CFAP77: variants seen among roughly 807,000 people sequenced by gnomAD.
CFAP77 encodes the protein cilia- and flagella-associated protein 77.
A neutral mutation model predicts 31.1 loss-of-function variants in CFAP77; 25 were observed. The observed-to-expected ratio is 0.80, with a 90% confidence interval of 0.59 to 1.12. The LOEUF is 1.12. Ranked by LOEUF, CFAP77 falls within the 50% of genes most tolerant of loss-of-function variation. CFAP77 has a pLI of 0.00. For missense variants in CFAP77, 377 were observed against 397.3 expected, an observed-to-expected ratio of 0.95 and a Z score of 0.44; for synonymous variants, 151 against 159.9, an observed-to-expected ratio of 0.94 and a Z score of 0.42.
chr9:132,503,846 C>T (rs929262207), intron 3 of CFAP77, among the ~76,000 whole-genome samples: 5 of 152,058 alleles, frequency 3.3e-5, no homozygotes, highest in Non-Finnish European at 5.9e-5. Flanking sequence ...GTCAGGAGTT[C>T]GAGACCAGCC....
At chr9:132,521,244 C>T (rs1045959379) in intron 3 of CFAP77, among the ~76,000 whole-genome samples, 44 of 152,346 alleles carry the variant, frequency 2.9e-4, no homozygotes, top group African/African-American at 9.6e-4. Context: ...CACGTGTCCT[C>T]GGTGCTTGCA....
At chr9:132,473,928 C>A (rs528452) in intron 1 of CFAP77, among the ~76,000 whole-genome samples, 71,523 of 151,910 alleles carry the variant, frequency 0.47, 16,913 homozygotes, top group Admixed American at 0.55. Context: ...GGTGATCCAC[C>A]TGCCTCGGCC....
At chr9:132,485,530 C>T (rs527304377) in intron 1 of CFAP77, among the ~76,000 whole-genome samples, 6 of 152,148 alleles carry the variant, frequency 3.9e-5, no homozygotes, top group Non-Finnish European at 7.4e-5. Flanking sequence ...CTGGCAGCGG[C>T]GGATCTCTGC....
Position 132,495,421 on chromosome 9 carries a change from C to T in CFAP77, c.196-3274C>T, listed in dbSNP as rs1007458901. 2.6e-5 allele frequency among the ~76,000 whole-genome samples: 4 copies of T among 152,068 alleles called. No homozygotes were observed. Among genetic ancestry groups the T allele is most frequent in the African/African-American group, 9.7e-5 (4 of 41,388 alleles). On this transcript the variant is annotated intron_variant, in intron 1 of 5. Coordinates refer to ENST00000393216, the MANE Select transcript of CFAP77 (RefSeq NM_001282957.2). The surrounding 1 kb of genome is among the most constrained non-coding windows in gnomAD (Gnocchi z 4.2). ...GAAGTCACATTTTAATTAACTTCCC[C>T]GGCAGTCACTGGAGAGGCCGGATCA...
At chr9:132,530,603 G>T (rs987850199) in intron 3 of CFAP77, among the ~76,000 whole-genome samples, 4 of 152,014 alleles carry the variant, frequency 2.6e-5, no homozygotes, top group East Asian at 1.9e-4. Flanking sequence ...TTGTTTGGGG[G>T]TTTTTTGGTT....
chr9:132,565,763 G>A lies in CFAP77; in HGVS notation c.733-6625G>A, dbSNP rs566550859. ...GCCTTCCTGGCAGGTGTGTTTCCAGGGCACTGCATGGCAGCGCTCTGTCCT... is the reference window on the plus strand; with the variant it reads ...GCCTTCCTGGCAGGTGTGTTTCCAGAGCACTGCATGGCAGCGCTCTGTCCT... On this transcript the variant is annotated intron_variant, in intron 5 of 5. Transcript: ENST00000393216. This position sits in a 1 kb window ranked among gnomAD's most constrained non-coding sequence, Gnocchi z 4.1. Among the ~76,000 whole-genome samples, 10 of 152,300 alleles carry A rather than the reference G, an allele frequency of 6.6e-5. No homozygotes were observed. The highest frequency in any genetic ancestry group is 4.1e-4 in the South Asian group (2 of 4,820).
rs183434098 is a variant in CFAP77, at chr9:132,446,307, C to T, written c.195+35841C>T. ...TCCTGGAGCCCAAGGCTGTGGCCCT[C>T]AGACCTGGATCTCTGAGTCGTCTGG... On this transcript the variant is annotated intron_variant, in intron 1 of 5. Transcript: ENST00000393216. Among the ~76,000 whole-genome samples the T allele has an allele frequency of 5.3e-5, 8 of 152,236 alleles. No homozygotes were observed. The East Asian group carries it at 1.5e-3, about 29-fold the overall frequency.
At chr9:132,429,044 G>T (rs1252600540) in intron 1 of CFAP77, among the ~76,000 whole-genome samples, 1 of 152,084 alleles carries the variant, frequency 6.6e-6, no homozygotes, top group Non-Finnish European at 1.5e-5. Flanking sequence ...TTTCTTTCAT[G>T]ATAATGGTTT....
intron 1 of CFAP77, among the ~76,000 whole-genome samples, chr9:132,448,978 A>C (rs1270284059): frequency 6.6e-6 from 1 of 152,192 alleles, no homozygotes; most frequent in East Asian, 1.9e-4. Context: ...ATAGGCACCT[A>C]TGACGTGGAG....
At position 132,513,408 on chromosome 9, in the gene CFAP77, C is replaced by T. The variant is rs1852075701; in HGVS notation, c.524+13808C>T. ...AGAAATAAAACGTGTCAAACACAATCTGAGGCCCCTGTGCACACCTTCCTA... is the reference window on the plus strand; with the variant it reads ...AGAAATAAAACGTGTCAAACACAATTTGAGGCCCCTGTGCACACCTTCCTA... On this transcript the variant is annotated intron_variant, in intron 3 of 5. Coordinates refer to ENST00000393216, the MANE Select transcript of CFAP77 (RefSeq NM_001282957.2). The T allele has an allele frequency of 4.7e-6, 7 of 1,504,510 alleles. No homozygotes were observed. The East Asian group carries it at 1.7e-4, about 37-fold the overall frequency. The allele number at this position is 1,504,510 out of a possible 1,614,324, so 93.2% of individuals were successfully genotyped here. A position where few individuals can be genotyped will look rare whatever the true frequency, so the allele number is the denominator to read the frequency against.
intron 3 of CFAP77, among the ~76,000 whole-genome samples, chr9:132,531,858 T>C (rs2119041946): frequency 6.6e-6 from 1 of 152,242 alleles, no homozygotes; most frequent in Admixed American, 6.5e-5. Context: ...TAATAAGAGC[T>C]GCTGGCCGGA....
chr9:132,438,740 G>A (rs939771679), intron 1 of CFAP77, among the ~76,000 whole-genome samples: 11 of 151,162 alleles, frequency 7.3e-5, no homozygotes, highest in Non-Finnish European at 1.3e-4. Flanking sequence ...TCACCATGTT[G>A]CCCAGGCTGT....
chr9:132,419,530 T>C (rs919863425), intron 1 of CFAP77, among the ~76,000 whole-genome samples: 3 of 152,182 alleles, frequency 2.0e-5, no homozygotes, highest in Admixed American at 2.0e-4. Context: ...ATTAGAAAAT[T>C]TACTGGCAGC....
intron 1 of CFAP77, among the ~76,000 whole-genome samples, chr9:132,465,073 CAAAAAAAAAA>C (rs773917029): frequency 2.4e-5 from 2 of 82,858 alleles, no homozygotes; most frequent in African/African-American, 4.1e-5. Flanking sequence ...GACTCTGTCT[CAAAAAAAAAA>C]AAAAAAAAAA....
chr9:132,466,307 C>A (rs1308932033), intron 1 of CFAP77, among the ~76,000 whole-genome samples: 1 of 152,144 alleles, frequency 6.6e-6, no homozygotes, highest in Admixed American at 6.5e-5. Flanking sequence ...ACTTTACTCT[C>A]ACGACAGGAC....
rs139559456 is a variant in CFAP77, at chr9:132,565,612, C to T, written c.733-6776C>T. 2.8e-3 allele frequency among the ~76,000 whole-genome samples: 422 copies of T among 151,806 alleles called. 2 individuals carry two copies. The highest frequency in any genetic ancestry group is 9.4e-3 in the African/African-American group (389 of 41,360). ...CACCACTGCACTCCAGCCTGGGCAA[C>T]GAGAATGAAACCCCTTCTTAAAAAA... is the stretch of plus-strand genomic sequence containing the variant. On this transcript the variant is annotated intron_variant, in intron 5 of 5. Coordinates refer to ENST00000393216, the MANE Select transcript of CFAP77 (RefSeq NM_001282957.2). This position sits in a 1 kb window ranked among gnomAD's most constrained non-coding sequence, Gnocchi z 4.1.
chr9:132,449,553 T>C (rs777205622), intron 1 of CFAP77, among the ~76,000 whole-genome samples: 46 of 152,236 alleles, frequency 3.0e-4, no homozygotes, highest in Non-Finnish European at 5.9e-5. Context: ...TTCCATCATA[T>C]GGGCTACCAC....
At chr9:132,530,524 C>T (rs1382823588) in intron 3 of CFAP77, among the ~76,000 whole-genome samples, 1 of 152,220 alleles carries the variant, frequency 6.6e-6, no homozygotes, top group Non-Finnish European at 1.5e-5. Flanking sequence ...ATCTGCCCCC[C>T]TCGGCCTCCC....
intron 5 of CFAP77, among the ~76,000 whole-genome samples, chr9:132,569,168 C>A (rs557564475): frequency 6.6e-6 from 1 of 152,248 alleles, no homozygotes; most frequent in East Asian, 1.9e-4. Flanking sequence ...TTTTGGGAGG[C>A]CAAGGGAGGA....
Sources: allele counts gnomAD v4.1 joint callset (sites outside exome capture counted in the v4.1 genomes callset), GRCh38; gene constraint gnomAD v4.1.1; non-coding constraint Gnocchi (gnomAD v3.1); transcripts MANE v1.5; gene names NCBI Gene and HGNC (gene_info 2026-07-23, HGNC 2026-07-21).